Variants in DMXL2 observed in about 807,000 individuals in gnomAD.
The protein encoded by DMXL2 is dmX-like protein 2.
DMXL2 carries 103 observed loss-of-function variants against 331.1 expected under a neutral mutation model. The observed-to-expected ratio is 0.31, with a 90% CI of 0.27 to 0.37. The LOEUF (loss-of-function observed/expected upper bound fraction) is 0.37, where lower values mean the gene tolerates loss of function less well. DMXL2 is among the 10% of genes least tolerant of loss of function. The pLI is 1.00. For missense variants in DMXL2, 3,171 were observed against 3,642.9 expected (o/e 0.87, Z 3.33); for synonymous variants, 1,281 against 1,252.1 (o/e 1.02, Z -0.49).
intron 1 of DMXL2, among the ~76,000 whole-genome samples, chr15:51,612,749 C>T (rs1168025900): frequency 6.6e-6 from 1 of 152,150 alleles, no homozygotes; most frequent in Non-Finnish European, 1.5e-5. Flanking sequence ...AACATCTTAT[C>T]AGGAGACAGG....
chr15:51,457,677 T>G (rs1046515438), intron 36 of DMXL2: 1 of 490,840 alleles, frequency 2.0e-6, no homozygotes, highest in Non-Finnish European at 3.5e-6. Context: ...CTAATGTTGT[T>G]TGGGGACAAC....
At chr15:51,519,023 A>T (rs1433260139) in intron 13 of DMXL2, among the ~76,000 whole-genome samples, 1 of 152,226 alleles carries the variant, frequency 6.6e-6, no homozygotes, top group East Asian at 1.9e-4. Flanking sequence ...AAATTAATGT[A>T]AACAATCCAT....
At chr15:51,532,578 C>G (rs977996817) in intron 13 of DMXL2, among the ~76,000 whole-genome samples, 2 of 152,028 alleles carry the variant, frequency 1.3e-5, no homozygotes, top group African/African-American at 2.4e-5. Flanking sequence ...GTGATAGATA[C>G]CCCATTTTCC....
chr15:51,589,901 A>G (rs2052161957), intron 1 of DMXL2, among the ~76,000 whole-genome samples: 1 of 152,260 alleles, frequency 6.6e-6, no homozygotes, highest in Non-Finnish European at 1.5e-5. Context: ...GATCACAATT[A>G]GTATTAAGAT....
intron 1 of DMXL2, among the ~76,000 whole-genome samples, chr15:51,594,936 G>A (rs1284459876): frequency 2.6e-5 from 4 of 152,194 alleles, no homozygotes; most frequent in African/African-American, 9.7e-5. Flanking sequence ...AGCTATCTAT[G>A]ACGGTCTGTC....
intron 6 of DMXL2, among the ~76,000 whole-genome samples, chr15:51,562,205 G>A (rs1567120773): frequency 6.6e-6 from 1 of 152,088 alleles, no homozygotes; most frequent in Non-Finnish European, 1.5e-5. Context: ...CATTACGCAT[G>A]TATCAAAATA....
At chr15:51,483,294 G>T (rs911146652) in intron 23 of DMXL2, among the ~76,000 whole-genome samples, 3 of 152,186 alleles carry the variant, frequency 2.0e-5, no homozygotes, top group African/African-American at 7.2e-5. Context: ...CCTCTGGCAT[G>T]CGCACTGCTC....
At chr15:51,451,825 T>C (rs2039168991) in intron 41 of DMXL2, 128 bp from the exon 42 acceptor site, 2 of 713,804 alleles carry the variant, frequency 2.8e-6, no homozygotes, top group South Asian at 1.8e-5. Context: ...CTCACACCTA[T>C]AGAGAGTAGT....
intron 27 of DMXL2, among the ~76,000 whole-genome samples, chr15:51,476,243 G>A (rs918293021): frequency 1.3e-5 from 2 of 152,042 alleles, no homozygotes; most frequent in Admixed American, 6.5e-5. Context: ...ACAACTAACT[G>A]TATTTTCTAT....
chr15:51,604,948 C>G (rs1427296677), intron 1 of DMXL2, among the ~76,000 whole-genome samples: 1 of 151,946 alleles, frequency 6.6e-6, no homozygotes, highest in Non-Finnish European at 1.5e-5. Context: ...AAAAATATAG[C>G]CAATTGATTT....
At chr15:51,485,602 T>C (rs2042335591) in intron 23 of DMXL2, among the ~76,000 whole-genome samples, 1 of 152,248 alleles carries the variant, frequency 6.6e-6, no homozygotes, top group Non-Finnish European at 1.5e-5. Flanking sequence ...TATGTGGATA[T>C]ATTAAAACGT....
chr15:51,550,526 T>C (rs1283830246), intron 6 of DMXL2, among the ~76,000 whole-genome samples: 1 of 152,134 alleles, frequency 6.6e-6, no homozygotes, highest in African/African-American at 2.4e-5. Flanking sequence ...AATTTACTCT[T>C]AGCAATTTTA....
chr15:51,537,505 T>C lies in DMXL2; in HGVS notation c.1600A>G (p.Ile534Val). The change falls in exon 11 of 44, where the codon ATA (isoleucine) becomes GTA (valine). Residue 534 changes from isoleucine (I) to valine (V), a missense_variant. Ile to Val is a conservative substitution (Grantham distance 29, BLOSUM62 3). Around this residue, in one of 7 missense-constraint regions of DMXL2, gnomAD observed 1,674 missense variants for 1,780.2 expected, o/e 0.94. Coordinates refer to ENST00000560891, the MANE Select transcript of DMXL2 (RefSeq NM_001378457.1). ...VKYLDEYNPG[I>V]FRQVQVSFSS... The stretch of plus-strand genomic sequence containing the variant: ...AAATATACCTGAACTTGTCTAAATA[T>C]TCCAGGATTATATTCATCCAAATAC... 2.5e-6 allele frequency: 4 copies of C among 1,612,002 alleles called. No homozygotes were observed. The highest frequency in any genetic ancestry group is 3.4e-6 in the Non-Finnish European group (4 of 1,178,548).
intron 1 of DMXL2, among the ~76,000 whole-genome samples, chr15:51,597,940 G>C (rs1385862838): frequency 1.3e-5 from 2 of 152,042 alleles, no homozygotes; most frequent in African/African-American, 4.8e-5. Context: ...ATTTTCTCTT[G>C]TGACGCACCT....
chr15:51,585,078 G>C (rs1350786461), intron 1 of DMXL2, among the ~76,000 whole-genome samples: 1 of 23,962 alleles, frequency 4.2e-5, no homozygotes, highest in East Asian at 8.1e-4. Context: ...CTGCAAACAG[G>C]GACAATTTGA....
Position 51,498,672 on chromosome 15 carries a change from G to C in DMXL2, c.4552C>G (p.Leu1518Val), listed in dbSNP as rs780445061. Residue 1518 changes from leucine (L) to valine (V), a missense_variant, in exon 18 of 44, where the codon CTT becomes GTT. Physicochemically the swap from Leu to Val is conservative, Grantham distance 32. This residue lies in a region of DMXL2 where 252 missense variants were observed against 387.4 expected (regional missense o/e 0.65). Coordinates refer to ENST00000560891, the MANE Select transcript of DMXL2 (RefSeq NM_001378457.1). The stretch of plus-strand genomic sequence containing the variant: ...AGGCCTGGTAGACTTGAGTGCATAA[G>C]ATGACTTGAAAGTACCCTTGCATGT... ...QEHARVLSSH[L>V]MHSSLPGLTR... The C allele has an allele frequency of 6.2e-7, 1 of 1,614,162 alleles. No homozygotes were observed. Among genetic ancestry groups the C allele is most frequent in the Non-Finnish European group, 8.5e-7 (1 of 1,180,016 alleles).
intron 1 of DMXL2, among the ~76,000 whole-genome samples, chr15:51,593,471 CTT>C (rs1312949027): frequency 7.9e-5 from 12 of 152,176 alleles, no homozygotes; most frequent in Non-Finnish European, 1.5e-4. Flanking sequence ...TAATGGGAGA[CTT>C]TAACACCCCA....
At chr15:51,450,567 AAC>A in intron 42 of DMXL2, 1 of 529,412 alleles carries the variant, frequency 1.9e-6, no homozygotes. Context: ...ATATGAAATG[AAC>A]ACAGAGAGAA....
rs1190038022 is a variant in DMXL2 at position 51,507,099 on chromosome 15, A to T, written c.2764+35T>A. On this transcript the variant is annotated intron_variant, in intron 16 of 43. Coordinates refer to ENST00000560891, the MANE Select transcript of DMXL2 (RefSeq NM_001378457.1). ...GCATATTCTATAAAATAAATTTGTT[A>T]TGTATCATCTCTGTATAAAACTATA... 6.9e-6 allele frequency: 10 copies of T among 1,452,726 alleles called. No homozygotes were observed. In the South Asian group the frequency reaches 1.0e-4, roughly 15 times the overall value. 90.0% of individuals were successfully genotyped at this position (1,452,726 alleles called of 1,614,324 possible). A position where few individuals can be genotyped will look rare whatever the true frequency, so the allele number is the denominator to read the frequency against.
Sources: allele counts gnomAD v4.1 joint callset (sites outside exome capture counted in the v4.1 genomes callset), GRCh38; gene constraint gnomAD v4.1.1; regional missense constraint gnomAD v4.1.1; transcripts MANE v1.5; gene names NCBI Gene and HGNC (gene_info 2026-07-23, HGNC 2026-07-21).